Variants in MIGA1 observed in about 807,000 individuals in gnomAD.
The protein encoded by MIGA1 is family with sequence similarity 73, member A.
A neutral mutation model predicts 82.0 loss-of-function variants in MIGA1; 58 were observed. The observed-to-expected ratio is 0.71, with a 90% CI of 0.57 to 0.88. The LOEUF is 0.88. MIGA1 is among the 40% of genes least tolerant of loss of function. The probability of loss-of-function intolerance (pLI) is 0.00; values close to 1 mark genes in which losing one functional copy is unlikely to be tolerated. For synonymous variants in MIGA1, 249 were observed against 253.6 expected (o/e 0.98, Z 0.17); for missense variants, 751 against 749.1 (o/e 1.00, Z -0.03).
intron 2 of MIGA1, among the ~76,000 whole-genome samples, chr1:77,792,214 A>T (rs1228283222): frequency 2.0e-5 from 3 of 152,230 alleles, no homozygotes; most frequent in African/African-American, 7.2e-5. Flanking sequence ...TAAGAGTAAC[A>T]CAGGATGCAG....
rs535050020 is a variant in MIGA1 at position 77,846,506 on chromosome 1, T to A, written c.996+3099T>A. On this transcript the variant is annotated intron_variant, in intron 8 of 15. Transcript: ENST00000370791. Reference sequence around the variant, plus strand: ...AAAAAGAAAATTTTATTTAAAAAAATTTTTTTAAATAGAGGTGGGGTCTTG... The same window carrying A: ...AAAAAGAAAATTTTATTTAAAAAAAATTTTTTAAATAGAGGTGGGGTCTTG... Among the ~76,000 whole-genome samples the A allele has an allele frequency of 2.6e-3, 397 of 151,954 alleles. 2 individuals are homozygous for A. The highest frequency in any genetic ancestry group is 9.2e-3 in the African/African-American group (383 of 41,536).
chr1:77,783,959 A>G (rs777983233), intron 2 of MIGA1, among the ~76,000 whole-genome samples: 4 of 152,182 alleles, frequency 2.6e-5, no homozygotes, highest in Non-Finnish European at 5.9e-5. Context: ...AATGTCCTCA[A>G]GGTTCATCCA....
intron 8 of MIGA1, chr1:77,847,481 A>C: frequency 1.4e-6 from 2 of 1,426,080 alleles, no homozygotes; most frequent in Non-Finnish European, 2.0e-6. Context: ...TGGAAAAGAA[A>C]ATACAGAGAG....
intron 14 of MIGA1, among the ~76,000 whole-genome samples, chr1:77,872,337 A>C (rs1478237230): frequency 6.6e-6 from 1 of 152,152 alleles, no homozygotes; most frequent in African/African-American, 2.4e-5. Flanking sequence ...GTGGCAGCTC[A>C]CGCCTGTAAT....
intron 2 of MIGA1, among the ~76,000 whole-genome samples, chr1:77,784,135 T>C (rs945953277): frequency 2.6e-5 from 4 of 152,236 alleles, no homozygotes; most frequent in Admixed American, 1.3e-4. Flanking sequence ...CATACAAATA[T>C]CTCTTTGAGA....
At chr1:77,872,679 C>T (rs1646856221) in intron 14 of MIGA1, among the ~76,000 whole-genome samples, 1 of 152,166 alleles carries the variant, frequency 6.6e-6, no homozygotes, top group Admixed American at 6.5e-5. Flanking sequence ...CTACATAAAA[C>T]ATTCTATGAC....
intron 7 of MIGA1, among the ~76,000 whole-genome samples, chr1:77,835,477 G>A (rs1407267130): frequency 6.6e-6 from 1 of 152,114 alleles, no homozygotes. Context: ...TTCACTGAGA[G>A]CCAGTGTGGT....
At chr1:77,786,183 AC>A (rs1444325709) in intron 2 of MIGA1, among the ~76,000 whole-genome samples, 1 of 152,158 alleles carries the variant, frequency 6.6e-6, no homozygotes, top group Non-Finnish European at 1.5e-5. Context: ...GCCCCTTTCA[AC>A]CATGGCTAGA....
chr1:77,822,078 G>A (rs1328422783), intron 7 of MIGA1, among the ~76,000 whole-genome samples: 1 of 151,718 alleles, frequency 6.6e-6, no homozygotes, highest in African/African-American at 2.4e-5. Context: ...CTATAGAGGT[G>A]GTAGATACAT....
At chr1:77,840,017 A>G (rs759209272) in intron 7 of MIGA1, among the ~76,000 whole-genome samples, 2 of 152,178 alleles carry the variant, frequency 1.3e-5, no homozygotes, top group Non-Finnish European at 2.9e-5. Flanking sequence ...ACAGGCGTGA[A>G]CCACTGTGCC....
At chr1:77,804,993 C>CTT (rs67999119) in intron 4 of MIGA1, among the ~76,000 whole-genome samples, 43 of 95,808 alleles carry the variant, frequency 4.5e-4, no homozygotes, top group East Asian at 2.8e-3. Flanking sequence ...TTCCATATTT[C>CTT]TTTTTTTTTT....
intron 1 of MIGA1, among the ~76,000 whole-genome samples, chr1:77,780,619 C>T (rs1328358444): frequency 6.6e-6 from 1 of 151,976 alleles, no homozygotes; most frequent in Non-Finnish European, 1.5e-5. Flanking sequence ...TTTTTAATTC[C>T]CCAGTAGTTG....
At chr1:77,860,784 A>T (rs1369855046) in intron 11 of MIGA1, 1 of 157,194 alleles carries the variant, frequency 6.4e-6, no homozygotes, top group East Asian at 1.9e-4. Context: ...TAAGTAGTGT[A>T]AAGCTAAGTA....
At chr1:77,829,595 A>G (rs1684158141) in intron 7 of MIGA1, among the ~76,000 whole-genome samples, 2 of 152,122 alleles carry the variant, frequency 1.3e-5, no homozygotes, top group South Asian at 4.1e-4. Flanking sequence ...CAGCTTTCCT[A>G]GTAGCTGGGA....
At chr1:77,870,550 G>A (rs1202299778) in intron 14 of MIGA1, among the ~76,000 whole-genome samples, 9 of 130,284 alleles carry the variant, frequency 6.9e-5, no homozygotes, top group African/African-American at 1.8e-4. Flanking sequence ...GGCGCTCCTC[G>A]CTTCCTAGAT....
At chr1:77,852,753 C>T (rs904720046) in intron 8 of MIGA1, among the ~76,000 whole-genome samples, 1 of 152,118 alleles carries the variant, frequency 6.6e-6, no homozygotes, top group Non-Finnish European at 1.5e-5. Context: ...TGCAGTGGTA[C>T]GATCTTGGCT....
chr1:77,803,387 C>A lies in MIGA1; in HGVS notation c.491C>A (p.Ser164Tyr). Reference sequence around the variant, plus strand: ...GGACTTTTCAGTAAATATTCAGGTTCTGCACAGAGTTTGGCCTCTGTAAGT... The same window carrying A: ...GGACTTTTCAGTAAATATTCAGGTTATGCACAGAGTTTGGCCTCTGTAAGT... Residue 164 changes from serine to tyrosine, a missense_variant, in exon 4 of 16, where the codon TCT becomes TAT. Physicochemically the swap from Ser to Tyr is moderately radical, Grantham distance 144. Transcript: ENST00000370791. 6.5e-7 allele frequency: 1 copy of A among 1,548,600 alleles called. No individual in the cohort carries two copies.
chr1:77,809,068 C>G (rs545349077), intron 5 of MIGA1, among the ~76,000 whole-genome samples: 93 of 152,122 alleles, frequency 6.1e-4, no homozygotes, highest in South Asian at 3.1e-3. Flanking sequence ...CTAATTGTGC[C>G]ACTGCACTAC....
chr1:77,830,691 C>T (rs1372927984), intron 7 of MIGA1, among the ~76,000 whole-genome samples: 3 of 152,166 alleles, frequency 2.0e-5, no homozygotes, highest in African/African-American at 7.2e-5. Context: ...TCAGCTGGCC[C>T]ACTATACAGA....
Sources: allele counts gnomAD v4.1 joint callset (sites outside exome capture counted in the v4.1 genomes callset), GRCh38; gene constraint gnomAD v4.1.1; transcripts MANE v1.5; gene names NCBI Gene and HGNC (gene_info 2026-07-23, HGNC 2026-07-21).